The following ANKMY1 variants were observed in gnomAD, a reference collection of about 807,000 sequenced individuals.
ANKMY1 encodes the protein ankyrin repeat and MYND domain containing 1, also known as ankyrin repeat and MYND domain-containing protein 1.
A neutral mutation model predicts 102.0 loss-of-function variants in ANKMY1; 98 were observed. The observed-to-expected ratio is 0.96, with a 90% CI of 0.82 to 1.14. The LOEUF is 1.14. Among genes scored for constraint, ANKMY1 ranks in the 50% most tolerant of loss-of-function variants. The pLI is 0.00. For synonymous variants in ANKMY1, 582 were observed against 559.9 expected, an observed-to-expected ratio of 1.04 and a Z score of -0.56; for missense variants, 1,330 against 1,347.6, an observed-to-expected ratio of 0.99 and a Z score of 0.20.
chr2:240,487,557 C>T (rs976575960), intron 15 of ANKMY1, among the ~76,000 whole-genome samples: 1 of 151,880 alleles, frequency 6.6e-6, no homozygotes, highest in African/African-American at 2.4e-5. Context: ...TACTGTTTTC[C>T]ATAGTGCCTG....
rs748999358 is a variant in ANKMY1 at position 240,509,367 on chromosome 2, A to G, written c.2375T>C (p.Ile792Thr). 1.3e-5 allele frequency: 21 copies of G among 1,613,240 alleles called. No individual in the cohort carries two copies. Among genetic ancestry groups the G allele is most frequent in the Admixed American group, 1.7e-5 (1 of 59,972 alleles). The change falls in exon 12 of 18, where the codon ATT becomes ACT. Residue 792 changes from isoleucine (I) to threonine (T), a missense_variant. Transcript: ENST00000401804. ...GCTCACCAGCTCATTCCCACTGGCA[A>G]TGGACAGGGAGAGCGGGGAGTGGCC... ...WSGHSPLSLS[I>T]ASGNELVVKE...
intron 2 of ANKMY1, 99 bp from the exon 3 acceptor site, chr2:240,555,154 C>T (rs1459228908): frequency 7.7e-7 from 1 of 1,293,608 alleles, no homozygotes; most frequent in Non-Finnish European, 1.1e-6. Context: ...CATCTCATTT[C>T]ATCCCACAGT....
chr2:240,511,925 G>T lies in ANKMY1; in HGVS notation c.2222C>A (p.Ala741Asp), dbSNP rs1407294265. Residue 741 changes from alanine to aspartate, a missense_variant, in exon 11 of 18, where the codon GCC (alanine) becomes GAC (aspartate). Coordinates refer to ENST00000401804, the MANE Select transcript of ANKMY1 (RefSeq NM_001282771.3). ...CGTCCTGCCCCCCTCCTCCGGGAGG[G>T]CTGTGTCCGTGCTGTAGTAGGCTTG... is the stretch of plus-strand genomic sequence containing the variant. Reference protein sequence around the residue: ...PPQAYYSTDTALPEEGGRTAL... With the variant: ...PPQAYYSTDTDLPEEGGRTAL... 2 of 1,579,414 alleles carry T rather than the reference G, an allele frequency of 1.3e-6. No individual in the cohort carries two copies. Among genetic ancestry groups the T allele is most frequent in the South Asian group, 2.3e-5 (2 of 88,660 alleles).
rs36085481 is a variant in ANKMY1 at position 240,523,941 on chromosome 2, C to T, written c.1776G>A (p.Pro592=). Residue 592 remains proline (P), a synonymous_variant, in exon 8 of 18, where the codon CCG becomes CCA. Transcript: ENST00000401804. ...TCCCTTTGTCGAAGCTGCTGGTGCA[C>T]GGTGAGGGCGAGGCCATCTTCAGCA... is the stretch of plus-strand genomic sequence containing the variant. ...HSLLKMASPS[P]CTSSFDKGTM... is the part of the protein sequence containing the mutation. 12 of 1,613,630 alleles carry T rather than the reference C, an allele frequency of 7.4e-6. No individual in the cohort carries two copies. The Admixed American group carries it at 8.3e-5, about 11-fold the overall frequency.
chr2:240,535,452 G>A (rs1405296157), intron 4 of ANKMY1, among the ~76,000 whole-genome samples: 1 of 152,126 alleles, frequency 6.6e-6, no homozygotes, highest in African/African-American at 2.4e-5. Context: ...GACCTAAAAG[G>A]GTGCCTGGCT....
At chr2:240,528,688 C>T (rs1183652138) in intron 5 of ANKMY1, among the ~76,000 whole-genome samples, 1 of 150,756 alleles carries the variant, frequency 6.6e-6, no homozygotes, top group Non-Finnish European at 1.5e-5. Context: ...TCCCCAGCCA[C>T]ATCCCCCCAC....
intron 4 of ANKMY1, among the ~76,000 whole-genome samples, chr2:240,536,640 T>G (rs1026585517): frequency 6.6e-6 from 1 of 152,210 alleles, no homozygotes; most frequent in African/African-American, 2.4e-5. Context: ...AATTGAGCAG[T>G]AACATAAGAT....
chr2:240,524,520 TC>T, intron 7 of ANKMY1, 139 bp from the exon 8 acceptor site: 1 of 963,486 alleles, frequency 1.0e-6, no homozygotes, highest in Non-Finnish European at 1.5e-6. Flanking sequence ...AGGGCAGCTT[TC>T]CCCAAACCCT....
downstream of ANKMY1, among the ~76,000 whole-genome samples, chr2:240,475,704 T>C (rs2074808582): frequency 1.3e-5 from 2 of 151,864 alleles, no homozygotes; most frequent in African/African-American, 4.8e-5. Context: ...TATGCTGATA[T>C]TGTATCTTGC....
chr2:240,477,596 A>G (rs2074940162), downstream of ANKMY1, among the ~76,000 whole-genome samples: 1 of 152,048 alleles, frequency 6.6e-6, no homozygotes, highest in Admixed American at 6.6e-5. Flanking sequence ...TATGTTGCCC[A>G]GGCTGGTCTG....
At chr2:240,472,092 A>G in the ANKMY1 span, among the ~76,000 whole-genome samples, 1 of 152,122 alleles carries the variant, frequency 6.6e-6, no homozygotes, top group African/African-American at 2.4e-5. Flanking sequence ...GTTAGGCCAC[A>G]AAATCCCAAA....
intron 12 of ANKMY1, among the ~76,000 whole-genome samples, chr2:240,508,425 GC>G (rs931692876): frequency 2.0e-5 from 3 of 152,254 alleles, no homozygotes; most frequent in African/African-American, 7.2e-5. Context: ...GCACCTGGAA[GC>G]CCCATTCTAC....
chr2:240,470,479 G>A, the ANKMY1 span, among the ~76,000 whole-genome samples: 1 of 152,176 alleles, frequency 6.6e-6, no homozygotes, highest in African/African-American at 2.4e-5. Context: ...CCTCCCAGAT[G>A]AGACCACCCC....
At chr2:240,470,501 C>G in the ANKMY1 span, among the ~76,000 whole-genome samples, 1 of 152,174 alleles carries the variant, frequency 6.6e-6, no homozygotes, top group Non-Finnish European at 1.5e-5. Flanking sequence ...CAAAGCAAAA[C>G]CAGTGAGTCT....
chr2:240,557,404 C>A, intron 1 of ANKMY1, 52 bp from the exon 2 acceptor site: 1 of 1,409,342 alleles, frequency 7.1e-7, no homozygotes, highest in Non-Finnish European at 9.3e-7. Flanking sequence ...CCGCCGCGAA[C>A]TCAGAGGGCG....
chr2:240,509,234 T>TGGAA, intron 12 of ANKMY1, 114 bp downstream of exon 12: 1 of 806,660 alleles, frequency 1.2e-6, no homozygotes, highest in South Asian at 1.9e-5. Flanking sequence ...AATGGATGGA[T>TGGAA]GGATGGATGG....
chr2:240,524,455 AG>A lies in ANKMY1; in HGVS notation c.1336-75del, dbSNP rs2082954931. 2.9e-5 allele frequency: 44 copies of A among 1,498,974 alleles called. No homozygotes were observed. The South Asian group carries it at 5.5e-4, about 19-fold the overall frequency. 92.9% of individuals were successfully genotyped at this position (1,498,974 alleles called of 1,614,324 possible). A position where few individuals can be genotyped will look rare whatever the true frequency, so the allele number is the denominator to read the frequency against. ...CCTCATTCTAGGACCTTCTTCAGCA[AG>A]GACCAATGCCCGTGGCCTAGAGCTG... On this transcript the variant is annotated intron_variant, in intron 7 of 17. Transcript: ENST00000401804.
rs1394210332 is a variant in ANKMY1 at position 240,520,258 on chromosome 2, G to A, written c.2004+104C>T. 2.4e-5 allele frequency: 36 copies of A among 1,480,968 alleles called. No homozygotes were observed. The highest frequency in any genetic ancestry group is 3.2e-5 in the Non-Finnish European group (35 of 1,096,778). 91.7% of individuals were successfully genotyped at this position (1,480,968 alleles called of 1,614,324 possible). A position where few individuals can be genotyped will look rare whatever the true frequency, so the allele number is the denominator to read the frequency against. ...TCACAGCCCAGGTGGTCGCCTGCAA[G>A]AGCCCACCCCTCTCTTCCGCGCCTA... On this transcript the variant is annotated intron_variant, in intron 9 of 17. Coordinates refer to ENST00000401804, the MANE Select transcript of ANKMY1 (RefSeq NM_001282771.3). This position sits in a 1 kb window ranked among gnomAD's most constrained non-coding sequence, Gnocchi z 4.8.
intron 15 of ANKMY1, among the ~76,000 whole-genome samples, chr2:240,496,078 A>G (rs959163961): frequency 6.6e-6 from 1 of 152,192 alleles, no homozygotes; most frequent in African/African-American, 2.4e-5. Flanking sequence ...TTCTGATGAG[A>G]TGCTGGCTAG....
Sources: gnomAD v4.1 joint callset for allele counts (sites outside exome capture counted in the v4.1 genomes callset) on GRCh38, gnomAD v4.1.1 for gene constraint, Gnocchi (gnomAD v3.1) non-coding constraint, MANE v1.5 for transcripts, NCBI Gene and HGNC (gene_info 2026-07-23, HGNC 2026-07-21) for gene names.